Variants in EPHB1 observed in about 807,000 individuals in gnomAD.
The protein encoded by EPHB1 is ephrin type-B receptor 1.
In EPHB1, 30 loss-of-function variants were observed where a neutral mutation model predicts 94.4. The observed-to-expected ratio is 0.32, with a 90% CI of 0.24 to 0.43. EPHB1 has a LOEUF of 0.43. EPHB1 is among the 20% of genes least tolerant of loss of function. The pLI, the probability that EPHB1 is intolerant of heterozygous loss-of-function variation, is 1.00. For missense variants in EPHB1, 1,055 were observed against 1,308.3 expected, an observed-to-expected ratio of 0.81 and a Z score of 2.99; for synonymous variants, 522 against 489.1, an observed-to-expected ratio of 1.07 and a Z score of -0.89.
intron 1 of EPHB1, among the ~76,000 whole-genome samples, chr3:134,877,424 A>G (rs1443388126): frequency 1.3e-5 from 2 of 152,266 alleles, no homozygotes; most frequent in African/African-American, 4.8e-5. Context: ...CTGAAGCTCT[A>G]TCTCTTTGTT....
chr3:134,985,135 G>A (rs1386301624), intron 3 of EPHB1, among the ~76,000 whole-genome samples: 1 of 152,082 alleles, frequency 6.6e-6, no homozygotes, highest in East Asian at 1.9e-4. Flanking sequence ...GAGTTGGCTT[G>A]TTCCCTGGGA....
rs566025962 is a variant in EPHB1 at position 135,240,451 on chromosome 3, C to A, written c.2347-697C>A. The stretch of plus-strand genomic sequence containing the variant: ...TGGGATTGGAGGCAAGAAGGAGAAA[C>A]AAGCCTAAGAGTGGCCCTGTAGAAA... On this transcript the variant is annotated intron_variant, in intron 12 of 15. Transcript: ENST00000398015. Among the ~76,000 whole-genome samples the A allele has an allele frequency of 3.9e-5, 6 of 152,220 alleles. No individual in the cohort carries two copies. In the South Asian group the frequency reaches 1.2e-3, roughly 32 times the overall value.
At chr3:134,885,042 A>G (rs779431314) in intron 1 of EPHB1, among the ~76,000 whole-genome samples, 3 of 152,242 alleles carry the variant, frequency 2.0e-5, no homozygotes, top group Non-Finnish European at 4.4e-5. Flanking sequence ...TTGGATTCTA[A>G]TGGTGCAAAG....
At chr3:135,153,598 G>T (rs1378972678) in intron 5 of EPHB1, among the ~76,000 whole-genome samples, 7 of 152,172 alleles carry the variant, frequency 4.6e-5, no homozygotes, top group African/African-American at 1.7e-4. Context: ...CTTTTTGAGA[G>T]ATACCTCCTC....
intron 3 of EPHB1, among the ~76,000 whole-genome samples, chr3:135,008,867 T>C (rs1265486920): frequency 6.6e-6 from 1 of 152,208 alleles, no homozygotes; most frequent in Non-Finnish European, 1.5e-5. Context: ...GTAGTTATTT[T>C]ACTTAAGAAA....
At chr3:135,026,638 C>G (rs1004030503) in intron 3 of EPHB1, among the ~76,000 whole-genome samples, 110 of 136,326 alleles carry the variant, frequency 8.1e-4, no homozygotes, top group African/African-American at 2.8e-3. Flanking sequence ...AGTTTGAAGT[C>G]AGGTAGTGTG....
rs1444139742 is a variant in EPHB1, at chr3:135,004,319, G to A, written c.805+52267G>A. On this transcript the variant is annotated intron_variant, in intron 3 of 15. Transcript: ENST00000398015. Reference sequence around the variant, plus strand: ...TCTTCTGGCTTGTAGGGTTTCTGCCGAGAGATCTGCTGTTAGTCTGATGGT... The same window carrying A: ...TCTTCTGGCTTGTAGGGTTTCTGCCAAGAGATCTGCTGTTAGTCTGATGGT... Among the ~76,000 whole-genome samples, 21 of 151,340 alleles carry A rather than the reference G, an allele frequency of 1.4e-4. 1 individual carries two copies. In the South Asian group the frequency reaches 2.1e-3, roughly 15 times the overall value.
At chr3:134,941,867 G>T (rs2107710149) in intron 2 of EPHB1, among the ~76,000 whole-genome samples, 1 of 151,392 alleles carries the variant, frequency 6.6e-6, no homozygotes, top group East Asian at 2.0e-4. Flanking sequence ...CAATAGAACT[G>T]CAAGCTCTGA....
intron 3 of EPHB1, among the ~76,000 whole-genome samples, chr3:134,970,517 A>G (rs1282141117): frequency 6.6e-6 from 1 of 152,110 alleles, no homozygotes; most frequent in East Asian, 1.9e-4. Flanking sequence ...TGTGAGCTTT[A>G]CTGATTTATG....
chr3:135,130,498 AG>A (rs1940379541), intron 4 of EPHB1, among the ~76,000 whole-genome samples: 1 of 152,220 alleles, frequency 6.6e-6, no homozygotes, highest in Non-Finnish European at 1.5e-5. Flanking sequence ...CTGAGCCAAG[AG>A]TAAAGAAGAG....
intron 3 of EPHB1, among the ~76,000 whole-genome samples, chr3:135,099,441 G>C (rs937684395): frequency 6.6e-6 from 1 of 152,172 alleles, no homozygotes; most frequent in Non-Finnish European, 1.5e-5. Flanking sequence ...AATATAAGGG[G>C]AAATGGGAGC....
intron 3 of EPHB1, among the ~76,000 whole-genome samples, chr3:134,954,498 G>T (rs1042877309): frequency 5.9e-5 from 9 of 152,162 alleles, no homozygotes; most frequent in Admixed American, 5.2e-4. Flanking sequence ...CAGAAGCAGG[G>T]AGAATGGTGG....
At chr3:134,823,275 G>A (rs144535207) in intron 1 of EPHB1, among the ~76,000 whole-genome samples, 1,907 of 152,330 alleles carry the variant, frequency 0.013, 20 homozygotes, top group Middle Eastern at 0.061. Flanking sequence ...TAGCTTAGCT[G>A]GCAGATCGCA....
chr3:135,205,191 A>G (rs1942869269), intron 12 of EPHB1, among the ~76,000 whole-genome samples: 1 of 151,890 alleles, frequency 6.6e-6, no homozygotes. Flanking sequence ...TTTAATTTAC[A>G]TTTTCAACTG....
rs572036762 is a variant in EPHB1, at chr3:135,025,070, G to A, written c.805+73018G>A. On this transcript the variant is annotated intron_variant, in intron 3 of 15. Coordinates refer to ENST00000398015, the MANE Select transcript of EPHB1 (RefSeq NM_004441.5). ...TTTTTTGTTAAATGTAGCGTGTTTAGATTATTATATCTATACAACCTTCCT... is the reference window on the plus strand; with the variant it reads ...TTTTTTGTTAAATGTAGCGTGTTTAAATTATTATATCTATACAACCTTCCT... 2.8e-4 allele frequency among the ~76,000 whole-genome samples: 41 copies of A among 145,370 alleles called. 1 individual carries two copies. The South Asian group carries it at 6.5e-3, about 23-fold the overall frequency.
rs2107695126 is a variant in EPHB1 at position 135,154,216 on chromosome 3, G to A, written c.1362G>A (p.Trp454Ter). ...CTATGAGGAGCATCACCTTGTCATGGCCACAGCCGGAGCAGCCCAATGGCA... is the reference window on the plus strand; with the variant it reads ...CTATGAGGAGCATCACCTTGTCATGACCACAGCCGGAGCAGCCCAATGGCA... ...SATMRSITLS[W>*]PQPEQPNGII... Residue 454 changes from tryptophan (W) to a stop codon, truncating the protein, a stop_gained, in exon 6 of 16, where the codon TGG becomes TGA. Coordinates refer to ENST00000398015, the MANE Select transcript of EPHB1 (RefSeq NM_004441.5). LOFTEE classifies it high-confidence loss of function. 1 of 1,614,018 alleles carries A rather than the reference G, an allele frequency of 6.2e-7. No homozygotes were observed. The highest frequency in any genetic ancestry group is 8.5e-7 in the Non-Finnish European group (1 of 1,179,882).
intron 1 of EPHB1, among the ~76,000 whole-genome samples, chr3:134,851,478 C>T (rs1373347624): frequency 6.6e-6 from 1 of 152,116 alleles, no homozygotes; most frequent in Admixed American, 6.5e-5. Flanking sequence ...CCTGCAACTC[C>T]CCTTGCAGCT....
chr3:135,168,110 G>A (rs900756115), intron 9 of EPHB1, among the ~76,000 whole-genome samples: 7 of 152,188 alleles, frequency 4.6e-5, no homozygotes, highest in African/African-American at 7.2e-5. Flanking sequence ...AGCCAATGCC[G>A]ACTCGGGCTG....
intron 4 of EPHB1, among the ~76,000 whole-genome samples, chr3:135,131,846 C>T (rs920957486): frequency 6.6e-6 from 1 of 152,148 alleles, no homozygotes; most frequent in African/African-American, 2.4e-5. Context: ...CAGAGCAGGG[C>T]TATAGTTGAG....
Sources: allele counts gnomAD v4.1 joint callset (sites outside exome capture counted in the v4.1 genomes callset), GRCh38; gene constraint gnomAD v4.1.1; transcripts MANE v1.5; gene names NCBI Gene and HGNC (gene_info 2026-07-23, HGNC 2026-07-21).